Variants in LINS1 observed in about 807,000 individuals in gnomAD.
LINS1 encodes the protein lines homolog 1.
Under a neutral mutation model 41.6 loss-of-function variants are expected in LINS1, and 27 were observed. The ratio of observed to expected loss-of-function variants is 0.65; its 90% confidence interval spans 0.48 to 0.89. LINS1 has a LOEUF of 0.89. Among genes scored for constraint, LINS1 ranks in the 40% least tolerant of loss-of-function variants. The probability of loss-of-function intolerance (pLI) is 0.00; values close to 1 mark genes in which losing one functional copy is unlikely to be tolerated. For synonymous variants in LINS1, 336 were observed against 312.9 expected (o/e 1.07, Z -0.78); for missense variants, 955 against 884.1 (o/e 1.08, Z -1.02).
intron 3 of LINS1, among the ~76,000 whole-genome samples, chr15:100,578,933 C>A (rs1231311604): frequency 1.3e-5 from 2 of 150,448 alleles, no homozygotes; most frequent in African/African-American, 2.4e-5. Flanking sequence ...GAACAAAAAA[C>A]CAAACACCGC....
chr15:100,574,575 G>A (rs1319394094), intron 4 of LINS1, among the ~76,000 whole-genome samples: 1 of 152,184 alleles, frequency 6.6e-6, no homozygotes, highest in Non-Finnish European at 1.5e-5. Flanking sequence ...GGGTGTGGTG[G>A]TGAGCGCCTG....
intron 1 of LINS1, among the ~76,000 whole-genome samples, chr15:100,598,805 C>T (rs1040252586): frequency 4.6e-5 from 7 of 152,228 alleles, no homozygotes; most frequent in African/African-American, 1.4e-4. Context: ...CTCTTTATTA[C>T]ACCAAGATCC....
At chr15:100,572,926 A>C (rs1288618689) in intron 5 of LINS1, 2 of 674,174 alleles carry the variant, frequency 3.0e-6, no homozygotes, top group African/African-American at 1.9e-5. Flanking sequence ...TGGGGTGGGG[A>C]AACAGAGACG....
At chr15:100,598,124 G>A (rs1364568256) in intron 1 of LINS1, among the ~76,000 whole-genome samples, 1 of 152,130 alleles carries the variant, frequency 6.6e-6, no homozygotes, top group Non-Finnish European at 1.5e-5. Context: ...TTCCAGCTCT[G>A]GTGCCCTGTC....
rs2037593737 is a variant in LINS1 at position 100,567,219 on chromosome 15, GT to G, written c.*2018del. The G allele has an allele frequency of 6.6e-6, 1 of 152,208 alleles. No homozygotes were observed. Among genetic ancestry groups the G allele is most frequent in the Admixed American group, 6.5e-5 (1 of 15,282 alleles). 9.4% of individuals were successfully genotyped at this position (152,208 alleles called of 1,614,324 possible). A position where few individuals can be genotyped will look rare whatever the true frequency, so the allele number is the denominator to read the frequency against. ...TACTGTAGGCAACTGTAACACAATA[GT>G]AAGTATGCGTGTATCTAAACATGCC... On this transcript the variant is annotated 3_prime_UTR_variant, in exon 7 of 7. Coordinates refer to ENST00000314742, the MANE Select transcript of LINS1 (RefSeq NM_001040616.3).
At chr15:100,582,105 T>C (rs796094602) in intron 1 of LINS1, among the ~76,000 whole-genome samples, 45 of 152,280 alleles carry the variant, frequency 3.0e-4, no homozygotes, top group African/African-American at 1.0e-3. Flanking sequence ...CCATCTACAA[T>C]ATGGCCACTA....
At position 100,569,550 on chromosome 15, in the gene LINS1, C is replaced by G. The variant is rs2037689944; in HGVS notation, c.1962G>C (p.Gln654His). The G allele has an allele frequency of 1.2e-6, 2 of 1,614,164 alleles. No individual in the cohort carries two copies. Among genetic ancestry groups the G allele is most frequent in the African/African-American group, 2.7e-5 (2 of 75,032 alleles). ...CATCCTGAATCTCCTTAGTTGCTTG[C>G]TGGTGTAAAGATGTCTGTTTACTGT... ...LANSKQTSLHQQATKEIQDAA... is the reference protein window; with the variant it reads ...LANSKQTSLHHQATKEIQDAA... Residue 654 changes from glutamine (Q) to histidine (H), a missense_variant, in exon 7 of 7, where the codon CAG becomes CAC. Transcript: ENST00000314742.
chr15:100,579,121 A>C (rs1377164984), intron 3 of LINS1, among the ~76,000 whole-genome samples: 3 of 152,132 alleles, frequency 2.0e-5, no homozygotes, highest in Non-Finnish European at 4.4e-5. Context: ...ACATGTATAC[A>C]TATGTAACAA....
chr15:100,584,468 T>C (rs2038708077), intron 1 of LINS1, among the ~76,000 whole-genome samples: 1 of 152,136 alleles, frequency 6.6e-6, no homozygotes, highest in African/African-American at 2.4e-5. Flanking sequence ...TTTTCTCTCA[T>C]GGTGGGACCC....
In LINS1 at chr15:100,575,073, G is replaced by C; in HGVS notation, c.545C>G (p.Ser182Cys). 1 of 1,612,332 alleles carries C rather than the reference G, an allele frequency of 6.2e-7. No individual in the cohort carries two copies. The highest frequency in any genetic ancestry group is 8.5e-7 in the Non-Finnish European group (1 of 1,179,094). Residue 182 changes from serine to cysteine, a missense_variant, in exon 4 of 7, where the codon TCT (serine) becomes TGT (cysteine). Transcript: ENST00000314742. ...AFCQKNLSEYSESNKAIYCLW... is the reference protein window; with the variant it reads ...AFCQKNLSEYCESNKAIYCLW... ...GCAGTATATTGCTTTATTACTCTCA[G>C]AGTATTCAGAAAGATTTTTCTGGCA...
intron 1 of LINS1, among the ~76,000 whole-genome samples, chr15:100,591,960 G>A (rs2039057325): frequency 6.6e-6 from 1 of 152,128 alleles, no homozygotes; most frequent in African/African-American, 2.4e-5. Context: ...TGGAGGCAGG[G>A]ACATAGGCTA....
At chr15:100,601,288 A>AGCCTCCTT (rs2039481764) in intron 1 of LINS1, among the ~76,000 whole-genome samples, 1 of 152,168 alleles carries the variant, frequency 6.6e-6, no homozygotes, top group South Asian at 2.1e-4. Context: ...TGGGAAGTCT[A>AGCCTCCTT]AGACTGACGG....
chr15:100,571,770 G>C (rs1210629868), intron 6 of LINS1, 124 bp downstream of exon 6: 4 of 1,148,726 alleles, frequency 3.5e-6, no homozygotes, highest in Non-Finnish European at 5.1e-6. Context: ...TTAAAGAAAG[G>C]AACTGCAACA....
chr15:100,589,467 C>T (rs1356185046), intron 1 of LINS1, among the ~76,000 whole-genome samples: 2 of 152,174 alleles, frequency 1.3e-5, no homozygotes, highest in Non-Finnish European at 1.5e-5. Flanking sequence ...GTGCTATGCA[C>T]CTAATGTGGA....
chr15:100,601,958 T>C (rs577196373), intron 1 of LINS1, among the ~76,000 whole-genome samples, 163 bp downstream of exon 1: 1 of 152,272 alleles, frequency 6.6e-6, no homozygotes, highest in Admixed American at 6.5e-5. Flanking sequence ...GACCGGGCAC[T>C]TGCGTCTGAC....
At chr15:100,595,570 A>G (rs568702585) in intron 1 of LINS1, among the ~76,000 whole-genome samples, 3 of 152,252 alleles carry the variant, frequency 2.0e-5, no homozygotes, top group Non-Finnish European at 4.4e-5. Flanking sequence ...TGAGAATGAA[A>G]AACGGCACAT....
In LINS1 at chr15:100,575,024, T is replaced by A. The variant is rs1481226369; in HGVS notation, c.594A>T (p.Ile198=). 5.6e-6 allele frequency: 9 copies of A among 1,613,006 alleles called. No homozygotes were observed. The highest frequency in any genetic ancestry group is 7.6e-6 in the Non-Finnish European group (9 of 1,179,654). The part of the protein sequence containing the change: ...IYCLWTLTAI[I]KEIFKDSCSQ... Reference sequence around the variant, plus strand: ...AACATGAATCTTTAAAGATTTCTTTTATTATTGCTGTAAGAGTCCAGAGGC... The same window carrying A: ...AACATGAATCTTTAAAGATTTCTTTAATTATTGCTGTAAGAGTCCAGAGGC... Residue 198 remains isoleucine, a synonymous_variant, in exon 4 of 7, where the codon ATA becomes ATT. Coordinates refer to ENST00000314742, the MANE Select transcript of LINS1 (RefSeq NM_001040616.3).
chr15:100,585,292 G>C (rs115998403), intron 1 of LINS1, among the ~76,000 whole-genome samples: 2,137 of 152,332 alleles, frequency 0.014, 57 homozygotes, highest in African/African-American at 0.049. Context: ...CTGAGGTCTA[G>C]TCCTAAACTC....
At chr15:100,597,048 C>T (rs763111463) in intron 1 of LINS1, 4 of 152,208 alleles carry the variant, frequency 2.6e-5, no homozygotes, top group Admixed American at 6.5e-5. Context: ...TGCCTGTCTG[C>T]GTAGCGAGCC....
Sources: allele counts gnomAD v4.1 joint callset (sites outside exome capture counted in the v4.1 genomes callset), GRCh38; gene constraint gnomAD v4.1.1; transcripts MANE v1.5; gene names NCBI Gene and HGNC (gene_info 2026-07-23, HGNC 2026-07-21).